Variants in RGS7BP observed in about 807,000 individuals in gnomAD.
RGS7BP encodes regulator of G protein signaling 7 binding protein.
RGS7BP carries 9 observed loss-of-function variants against 31.3 expected under a neutral mutation model. That is an observed-to-expected ratio of 0.29 (90% confidence interval 0.17 to 0.50). RGS7BP has a LOEUF of 0.50. RGS7BP is among the 20% of genes least tolerant of loss of function. The pLI is 0.98. For missense variants in RGS7BP, 274 were observed against 322.0 expected, an observed-to-expected ratio of 0.85 and a Z score of 1.14; for synonymous variants, 115 against 120.1, an observed-to-expected ratio of 0.96 and a Z score of 0.28.
intron 2 of RGS7BP, among the ~76,000 whole-genome samples, chr5:64,557,640 C>CTGCCTTTCCCA (rs1741959906): frequency 6.6e-6 from 1 of 152,154 alleles, no homozygotes; most frequent in South Asian, 2.1e-4. Flanking sequence ...TGTGTATCCC[C>CTGCCTTTCCCA]TGCCTTTCCC....
At chr5:64,590,301 A>G (rs905722229) in intron 3 of RGS7BP, among the ~76,000 whole-genome samples, 1 of 152,114 alleles carries the variant, frequency 6.6e-6, no homozygotes, top group Non-Finnish European at 1.5e-5. Flanking sequence ...TTTGCATTCC[A>G]CAGATCTCCT....
At chr5:64,603,993 G>A (rs1190509545) in intron 5 of RGS7BP, among the ~76,000 whole-genome samples, 1 of 152,182 alleles carries the variant, frequency 6.6e-6, no homozygotes, top group Non-Finnish European at 1.5e-5. Flanking sequence ...TCTAAGGAGG[G>A]AGGACTTTTC....
intron 3 of RGS7BP, among the ~76,000 whole-genome samples, chr5:64,582,052 TTC>T (rs1742613807): frequency 6.6e-6 from 1 of 152,258 alleles, no homozygotes; most frequent in South Asian, 2.1e-4. Context: ...TAGTTTCATA[TTC>T]TAACACTTTA....
intron 3 of RGS7BP, among the ~76,000 whole-genome samples, chr5:64,580,373 G>A (rs1004682852): frequency 6.6e-6 from 1 of 152,084 alleles, no homozygotes; most frequent in African/African-American, 2.4e-5. Context: ...GGAATGGGGA[G>A]CAAGGCTATG....
At chr5:64,511,530 C>T (rs1196133511) in intron 2 of RGS7BP, among the ~76,000 whole-genome samples, 6 of 152,248 alleles carry the variant, frequency 3.9e-5, no homozygotes, top group East Asian at 1.9e-4. Context: ...TAAAGACAGT[C>T]GCAGTGGCAT....
At chr5:64,580,178 G>C (rs550927959) in intron 3 of RGS7BP, among the ~76,000 whole-genome samples, 1 of 152,278 alleles carries the variant, frequency 6.6e-6, no homozygotes, top group South Asian at 2.1e-4. Context: ...AGAAGAGTTA[G>C]ACAAATTAAG....
chr5:64,562,631 C>A (rs1742080930), intron 2 of RGS7BP, among the ~76,000 whole-genome samples: 1 of 152,146 alleles, frequency 6.6e-6, no homozygotes, highest in South Asian at 2.1e-4. Context: ...TCTCCTCCCC[C>A]AGCACTGTTG....
chr5:64,557,332 A>G (rs1741951604), intron 2 of RGS7BP, among the ~76,000 whole-genome samples: 1 of 152,106 alleles, frequency 6.6e-6, no homozygotes, highest in African/African-American at 2.4e-5. Flanking sequence ...ATTGTCAGCC[A>G]GTTTTCCTGG....
intron 2 of RGS7BP, among the ~76,000 whole-genome samples, chr5:64,510,398 C>A (rs757206878): frequency 6.6e-6 from 1 of 152,166 alleles, no homozygotes; most frequent in Non-Finnish European, 1.5e-5. Flanking sequence ...AAAATATAAA[C>A]TAACCTTAAA....
intron 2 of RGS7BP, among the ~76,000 whole-genome samples, chr5:64,568,231 G>T (rs1386505666): frequency 6.6e-6 from 1 of 152,068 alleles, no homozygotes; most frequent in African/African-American, 2.4e-5. Context: ...AGAGACTGAA[G>T]AATTCAGCAC....
intron 2 of RGS7BP, among the ~76,000 whole-genome samples, chr5:64,541,297 G>T (rs1327083944): frequency 6.6e-6 from 1 of 152,142 alleles, no homozygotes; most frequent in Non-Finnish European, 1.5e-5. Flanking sequence ...TTACCAAGGG[G>T]ATGGTGCTAA....
Position 64,522,167 on chromosome 5 carries a change from CA to C in RGS7BP, c.332+14292del, listed in dbSNP as rs1427060302. Among the ~76,000 whole-genome samples the C allele has an allele frequency of 2.0e-5, 3 of 152,224 alleles. No homozygotes were observed. In the East Asian group the frequency reaches 5.8e-4, roughly 29 times the overall value. On this transcript the variant is annotated intron_variant, in intron 2 of 5. Transcript: ENST00000334025. Reference sequence around the variant, plus strand: ...GAATCTTTTTGTGACCATAATTTGGCAATGTGTAGTTCCAATGAGTACAGCT... The same window carrying C: ...GAATCTTTTTGTGACCATAATTTGGCATGTGTAGTTCCAATGAGTACAGCT...
chr5:64,558,889 G>T (rs997206326), intron 2 of RGS7BP, among the ~76,000 whole-genome samples: 1 of 152,126 alleles, frequency 6.6e-6, no homozygotes, highest in Non-Finnish European at 1.5e-5. Flanking sequence ...CTCCTGCAGC[G>T]CCCCCAGGCT....
chr5:64,521,522 G>C (rs1239805919), intron 2 of RGS7BP, among the ~76,000 whole-genome samples: 1 of 152,178 alleles, frequency 6.6e-6, no homozygotes, highest in Non-Finnish European at 1.5e-5. Context: ...CTCCCAAAGT[G>C]CTGGGATTAC....
Position 64,507,723 on chromosome 5 carries a change from T to G in RGS7BP, c.178T>G (p.Phe60Val). The change falls in exon 2 of 6, where the codon TTC becomes GTC. Residue 60 changes from phenylalanine (F) to valine (V), a missense_variant. Physicochemically the swap from Phe to Val is conservative, Grantham distance 50. Coordinates refer to ENST00000334025, the MANE Select transcript of RGS7BP (RefSeq NM_001029875.3). ...ACTTCTTTTCCAGCTTGTCCAAGAG[T>G]TCAACACACAAGTGGCCCTGTACCG... ...LDDCKMLVQE[F>V]NTQVALYREL... is the part of the protein sequence containing the mutation. 1 of 1,570,800 alleles carries G rather than the reference T, an allele frequency of 6.4e-7. No homozygotes were observed. Among genetic ancestry groups the G allele is most frequent in the Non-Finnish European group, 8.6e-7 (1 of 1,161,472 alleles).
intron 2 of RGS7BP, among the ~76,000 whole-genome samples, chr5:64,538,515 TTCCTTTTC>T (rs1741435090): frequency 6.8e-6 from 1 of 146,026 alleles, no homozygotes; most frequent in Non-Finnish European, 1.5e-5. Context: ...CTTTTTTTTT[TTCCTTTTC>T]TTTTCTTTTT....
At chr5:64,574,571 A>G (rs1195170902) in intron 2 of RGS7BP, among the ~76,000 whole-genome samples, 2 of 152,228 alleles carry the variant, frequency 1.3e-5, no homozygotes, top group African/African-American at 4.8e-5. Context: ...AGTTAAGAAC[A>G]TGTGCAGGCA....
At chr5:64,587,446 C>T (rs573363288) in intron 3 of RGS7BP, among the ~76,000 whole-genome samples, 2 of 152,232 alleles carry the variant, frequency 1.3e-5, no homozygotes, top group Non-Finnish European at 2.9e-5. Context: ...TCCAGAGATT[C>T]TTCAAACTCA....
rs555466122 is a variant in RGS7BP at position 64,506,738 on chromosome 5, C to G, written c.114C>G (p.Ser38Arg). The change falls in exon 1 of 6, where the codon AGC (serine) becomes AGG (arginine). Residue 38 changes from serine (S) to arginine (R), a missense_variant. Transcript: ENST00000334025. This position sits in a 1 kb window ranked among gnomAD's most constrained non-coding sequence, Gnocchi z 4.6. ...GCGGAGATTGGGAGCGCAGGGGCAGCGGCTCCGAGAGCGCCCACAAAACCC... is the reference window on the plus strand; with the variant it reads ...GCGGAGATTGGGAGCGCAGGGGCAGGGGCTCCGAGAGCGCCCACAAAACCC... ...LQSGDWERRG[S>R]GSESAHKTQR... 6.2e-7 allele frequency: 1 copy of G among 1,605,852 alleles called. No homozygotes were observed. Among genetic ancestry groups the G allele is most frequent in the Admixed American group, 1.7e-5 (1 of 59,844 alleles).
Sources: gnomAD v4.1 joint callset for allele counts (sites outside exome capture counted in the v4.1 genomes callset) on GRCh38, gnomAD v4.1.1 for gene constraint, Gnocchi (gnomAD v3.1) non-coding constraint, MANE v1.5 for transcripts, NCBI Gene and HGNC (gene_info 2026-07-23, HGNC 2026-07-21) for gene names.